The following CDH13 variants were observed in gnomAD, a reference collection of about 807,000 sequenced individuals.
CDH13 encodes cadherin 13, also known as cadherin-13.
Under a neutral mutation model 63.8 loss-of-function variants are expected in CDH13, and 24 were observed. The ratio of observed to expected loss-of-function variants is 0.38; its 90% confidence interval spans 0.27 to 0.53. The LOEUF (loss-of-function observed/expected upper bound fraction) is 0.53, where lower values mean the gene tolerates loss of function less well. CDH13 is among the 20% of genes least tolerant of loss of function. The pLI, the probability that CDH13 is intolerant of heterozygous loss-of-function variation, is 0.85. For missense variants in CDH13, 1,049 were observed against 903.1 expected (o/e 1.16, Z -2.07); for synonymous variants, 503 against 355.3 (o/e 1.42, Z -4.67).
At position 83,539,764 on chromosome 16, in the gene CDH13, A is replaced by C. The variant is rs539960909; in HGVS notation, c.960+53109A>C. Among the ~76,000 whole-genome samples, 6 of 152,332 alleles carry C rather than the reference A, an allele frequency of 3.9e-5. No homozygotes were observed. The East Asian group carries it at 1.2e-3, about 29-fold the overall frequency. On this transcript the variant is annotated intron_variant, in intron 7 of 13. Transcript: ENST00000567109. ...CATAGGGAGATGAAGTACCTTGTCC[A>C]AGGTCATGCGAATAGGTTAGACTTA... is the stretch of plus-strand genomic sequence containing the variant.
chr16:83,349,695 C>T (rs779031059), intron 6 of CDH13, among the ~76,000 whole-genome samples: 41 of 152,076 alleles, frequency 2.7e-4, no homozygotes, highest in Non-Finnish European at 1.5e-4. Context: ...GTGCCTCCTG[C>T]ATTCAAGCAA....
At chr16:82,804,275 CTACA>C (rs1402048433) in intron 1 of CDH13, among the ~76,000 whole-genome samples, 43 of 80,550 alleles carry the variant, frequency 5.3e-4, no homozygotes, top group African/African-American at 2.8e-3. Flanking sequence ...GGGGATCTTG[CTACA>C]CACACACACA....
chr16:83,756,609 G>A (rs1226950117), intron 11 of CDH13, among the ~76,000 whole-genome samples: 1 of 152,096 alleles, frequency 6.6e-6, no homozygotes, highest in African/African-American at 2.4e-5. Context: ...TGTATGTGTG[G>A]CCCAAGACAA....
chr16:83,292,059 C>T (rs1322087245), intron 5 of CDH13, among the ~76,000 whole-genome samples: 1 of 152,126 alleles, frequency 6.6e-6, no homozygotes, highest in Non-Finnish European at 1.5e-5. Context: ...TGTTGGCCAC[C>T]TTTGTTTACA....
At chr16:83,445,259 A>C (rs762075029) in intron 6 of CDH13, among the ~76,000 whole-genome samples, 1 of 72,188 alleles carries the variant, frequency 1.4e-5, no homozygotes, top group African/African-American at 3.8e-5. Flanking sequence ...AGCTTTTATA[A>C]TTTATAAAAG....
At chr16:83,242,749 G>A (rs1904591052) in intron 5 of CDH13, among the ~76,000 whole-genome samples, 1 of 152,188 alleles carries the variant, frequency 6.6e-6, no homozygotes, top group South Asian at 2.1e-4. Context: ...CGATGTTGGG[G>A]AAGACTCTGA....
chr16:83,335,828 C>T (rs528504320), intron 5 of CDH13, among the ~76,000 whole-genome samples: 2 of 152,206 alleles, frequency 1.3e-5, no homozygotes, highest in East Asian at 3.9e-4. Context: ...TCACGTGCAC[C>T]CCCTTAGAGT....
intron 1 of CDH13, among the ~76,000 whole-genome samples, chr16:82,803,935 A>C (rs1202509763): frequency 6.6e-6 from 1 of 152,154 alleles, no homozygotes; most frequent in African/African-American, 2.4e-5. Context: ...GTGCACTTAA[A>C]AATGTGTTCA....
intron 3 of CDH13, among the ~76,000 whole-genome samples, chr16:83,079,307 C>T (rs1389992490): frequency 6.6e-6 from 1 of 152,024 alleles, no homozygotes; most frequent in Non-Finnish European, 1.5e-5. Context: ...TTAACCTTGC[C>T]TTCTATGGAT....
chr16:82,761,843 TACAC>T (rs1329847897), intron 1 of CDH13, among the ~76,000 whole-genome samples: 7 of 152,110 alleles, frequency 4.6e-5, no homozygotes, highest in Non-Finnish European at 8.8e-5. Flanking sequence ...TGATTTTTTA[TACAC>T]ACACACAGAC....
intron 1 of CDH13, among the ~76,000 whole-genome samples, chr16:82,800,416 C>G (rs2036793331): frequency 6.6e-6 from 1 of 151,982 alleles, no homozygotes; most frequent in African/African-American, 2.4e-5. Context: ...CTAGTGATAC[C>G]CAAATCATAA....
intron 2 of CDH13, among the ~76,000 whole-genome samples, chr16:82,867,495 C>T (rs554055110): frequency 1.4e-4 from 22 of 152,288 alleles, no homozygotes; most frequent in African/African-American, 5.3e-4. Context: ...TAACTCTCAG[C>T]TTTCCACCCT....
intron 1 of CDH13, among the ~76,000 whole-genome samples, chr16:82,796,212 G>A (rs62036791): frequency 0.037 from 5,603 of 152,184 alleles, 157 homozygotes; most frequent in Admixed American, 0.062. Flanking sequence ...CAATTGACAG[G>A]ACTCTAGCCA....
At chr16:83,128,670 G>T (rs779275049) in intron 4 of CDH13, among the ~76,000 whole-genome samples, 1 of 152,188 alleles carries the variant, frequency 6.6e-6, no homozygotes, top group Non-Finnish European at 1.5e-5. Context: ...TTCCTCCGGG[G>T]TATATTTGGG....
At chr16:82,676,949 G>C (rs186473208) in intron 1 of CDH13, among the ~76,000 whole-genome samples, 1 of 152,134 alleles carries the variant, frequency 6.6e-6, no homozygotes, top group East Asian at 1.9e-4. Flanking sequence ...AGTGGCGCAA[G>C]CTCAGCTCGC....
At chr16:83,032,353 C>A (rs1916443251) in intron 3 of CDH13, 135 bp downstream of exon 3, 4 of 700,416 alleles carry the variant, frequency 5.7e-6, no homozygotes, top group South Asian at 2.0e-5. Flanking sequence ...TGACAGAAAT[C>A]CAACTCTAAA....
chr16:83,632,029 T>G (rs1267254219), intron 8 of CDH13, among the ~76,000 whole-genome samples: 4 of 152,174 alleles, frequency 2.6e-5, no homozygotes, highest in Admixed American at 6.5e-5. Context: ...AGAAATGTGG[T>G]AGTTTGAGAG....
chr16:83,666,487 G>T (rs374638858), intron 8 of CDH13, among the ~76,000 whole-genome samples: 2 of 152,112 alleles, frequency 1.3e-5, no homozygotes, highest in East Asian at 3.9e-4. Flanking sequence ...ACGTAACCCA[G>T]TTCCTTGATT....
At chr16:83,256,674 C>CAAAAAAAA (rs59651612) in intron 5 of CDH13, among the ~76,000 whole-genome samples, 10 of 115,626 alleles carry the variant, frequency 8.6e-5, no homozygotes, top group Non-Finnish European at 1.4e-4. Flanking sequence ...TACTAAAATA[C>CAAAAAAAA]AAAAAAAAAA....
Sources: allele counts gnomAD v4.1 joint callset (sites outside exome capture counted in the v4.1 genomes callset), GRCh38; gene constraint gnomAD v4.1.1; transcripts MANE v1.5; gene names NCBI Gene and HGNC (gene_info 2026-07-23, HGNC 2026-07-21).